MGAM: variants seen among roughly 807,000 people sequenced by gnomAD.
MGAM encodes alpha-1,4-glucosidase.
A neutral mutation model predicts 358.8 loss-of-function variants in MGAM; 253 were observed. The observed-to-expected ratio is 0.71, with a 90% CI of 0.64 to 0.78. The LOEUF (loss-of-function observed/expected upper bound fraction) is 0.78, where lower values mean the gene tolerates loss of function less well. Ranked by LOEUF, MGAM falls within the 30% of genes least tolerant of loss-of-function variation. The probability of loss-of-function intolerance (pLI) is 0.00; values close to 1 mark genes in which losing one functional copy is unlikely to be tolerated. For missense variants in MGAM, 3,080 were observed against 3,432.6 expected (o/e 0.90, Z 2.57); for synonymous variants, 1,105 against 1,227.1 (o/e 0.90, Z 2.08).
At chr7:142,033,284 G>T (rs1807679912) in intron 14 of MGAM, among the ~76,000 whole-genome samples, 1 of 152,270 alleles carries the variant, frequency 6.6e-6, no homozygotes, top group East Asian at 1.9e-4. Flanking sequence ...TCAGGTAAGG[G>T]TTATGTCTGA....
intron 44 of MGAM, among the ~76,000 whole-genome samples, chr7:142,071,390 G>C (rs1485363136): frequency 1.4e-5 from 2 of 146,534 alleles, no homozygotes; most frequent in Non-Finnish European, 3.1e-5. Context: ...GTCAAAATAA[G>C]AGCAACCACA....
In MGAM at chr7:142,078,495, T is replaced by G. The variant is rs1813940906; in HGVS notation, c.5646+25T>G. The G allele has an allele frequency of 5.3e-6, 8 of 1,521,632 alleles. 1 individual carries two copies. In the East Asian group the frequency reaches 1.6e-4, roughly 31 times the overall value. 94.3% of individuals were successfully genotyped at this position (1,521,632 alleles called of 1,614,324 possible). On this transcript the variant is annotated intron_variant, in intron 48 of 70. Transcript: ENST00000475668. ...GGTAACCATGCTGATGGGGTTCATG[T>G]GCATGAAAATCTCCACACCTAATCT...
rs1563123779 is a variant in MGAM, at chr7:142,025,046, G to A, written c.883-4G>A. ...AATTTTGGTTTTTAATTCTCTTTCT[G>A]CAGAACGGAACTAATTTGTATGGTG... On this transcript the variant is annotated splice_region_variant and splice_polypyrimidine_tract_variant and intron_variant, in intron 7 of 70. Transcript: ENST00000475668. The A allele has an allele frequency of 1.2e-6, 2 of 1,611,368 alleles. No homozygotes were observed. Among genetic ancestry groups the A allele is most frequent in the East Asian group, 2.2e-5 (1 of 44,814 alleles).
intron 6 of MGAM, 83 bp from the exon 7 acceptor site, chr7:142,022,185 G>T (rs907706297): frequency 4.6e-6 from 6 of 1,302,548 alleles, no homozygotes; most frequent in Non-Finnish European, 6.3e-6. Flanking sequence ...GAGTCACTGA[G>T]ATATAAAGGA....
In MGAM at chr7:142,047,881, C is replaced by CT; in HGVS notation, c.2587+10dup. 1 of 1,585,764 alleles carries CT rather than the reference C, an allele frequency of 6.3e-7. No homozygotes were observed. The highest frequency in any genetic ancestry group is 8.7e-7 in the Non-Finnish European group (1 of 1,155,508). On this transcript the variant is annotated intron_variant, in intron 22 of 70. Coordinates refer to ENST00000475668, the MANE Select transcript of MGAM (RefSeq NM_001365693.1). ...ATAATGGGGAAACGAAGGGTGAGCA[C>CT]TTATACGATAATGTTGCTGTTTCCC... is the stretch of plus-strand genomic sequence containing the variant.
chr7:142,048,409 A>G (rs1204104580), intron 22 of MGAM, among the ~76,000 whole-genome samples: 1 of 151,516 alleles, frequency 6.6e-6, no homozygotes, highest in East Asian at 1.9e-4. Context: ...CGGCCCCCCA[A>G]AGTGCTGGGA....
At chr7:141,989,085 A>AGT (rs141747720) in intron 2 of MGAM, among the ~76,000 whole-genome samples, 2,087 of 141,294 alleles carry the variant, frequency 0.015, 24 homozygotes, top group African/African-American at 0.032. Context: ...TGTGCTTGTG[A>AGT]GTGTGTGTGT....
At chr7:141,993,655 T>C (rs558059145), upstream of MGAM, among the ~76,000 whole-genome samples, 7 of 152,310 alleles carry the variant, frequency 4.6e-5, no homozygotes, top group Admixed American at 3.3e-4. Context: ...GGGGAAAATA[T>C]TTACATATCT....
At chr7:142,066,024 C>T (rs1180732102) in intron 40 of MGAM, among the ~76,000 whole-genome samples, 193 bp downstream of exon 40, 1 of 138,030 alleles carries the variant, frequency 7.2e-6, no homozygotes, top group Non-Finnish European at 1.6e-5. Context: ...CGTGCAGTGT[C>T]CCAATCATGG....
Position 142,052,826 on chromosome 7 carries a change from G to T in MGAM, c.3001G>T (p.Asp1001Tyr). The change falls in exon 26 of 71, where the codon GAC (aspartate) becomes TAC (tyrosine). Residue 1001 changes from aspartate to tyrosine, a missense_variant. This residue lies in a region of MGAM where 1,816 missense variants were observed against 1,840.5 expected (regional missense o/e 0.99). Coordinates refer to ENST00000475668, the MANE Select transcript of MGAM (RefSeq NM_001365693.1). Reference sequence around the variant, plus strand: ...AGTCCCTTTTTGCTATTTTGTCAACGACCTATACTCTGTCAGTGATGTTCA... The same window carrying T: ...AGTCCCTTTTTGCTATTTTGTCAACTACCTATACTCTGTCAGTGATGTTCA... ...SGVPFCYFVN[D>Y]LYSVSDVQYN... is the part of the protein sequence containing the mutation. 6.2e-7 allele frequency: 1 copy of T among 1,613,764 alleles called. No homozygotes were observed. The highest frequency in any genetic ancestry group is 8.5e-7 in the Non-Finnish European group (1 of 1,179,816).
At chr7:142,006,177 T>C (rs1162559525) in intron 2 of MGAM, among the ~76,000 whole-genome samples, 1 of 152,110 alleles carries the variant, frequency 6.6e-6, no homozygotes, top group Non-Finnish European at 1.5e-5. Flanking sequence ...TAATGCAGTC[T>C]TTTTTACATT....
In MGAM at chr7:142,059,844, C is replaced by T; in HGVS notation, c.3949-12C>T. On this transcript the variant is annotated splice_polypyrimidine_tract_variant and intron_variant, in intron 32 of 70. Transcript: ENST00000475668. ...CTTTGGTTTTCCCAACTGACTTATGCTTTGATTTCAGGATCCAGCCATTTC... is the reference window on the plus strand; with the variant it reads ...CTTTGGTTTTCCCAACTGACTTATGTTTTGATTTCAGGATCCAGCCATTTC... The T allele has an allele frequency of 1.2e-6, 2 of 1,602,968 alleles. No individual in the cohort carries two copies. The highest frequency in any genetic ancestry group is 1.7e-6 in the Non-Finnish European group (2 of 1,174,294).
intron 2 of MGAM, among the ~76,000 whole-genome samples, chr7:141,989,085 A>AGTGT (rs141747720): frequency 5.8e-4 from 82 of 141,364 alleles, no homozygotes; most frequent in East Asian, 3.1e-3. Context: ...TGTGCTTGTG[A>AGTGT]GTGTGTGTGT....
chr7:142,104,521 T>G (rs1468338264), intron 70 of MGAM, among the ~76,000 whole-genome samples: 2 of 152,190 alleles, frequency 1.3e-5, no homozygotes, highest in African/African-American at 4.8e-5. Context: ...CTTCCACTAG[T>G]GTCTATGAAG....
chr7:142,015,485 A>C (rs1278231253), intron 3 of MGAM, among the ~76,000 whole-genome samples: 2 of 152,116 alleles, frequency 1.3e-5, no homozygotes, highest in African/African-American at 4.8e-5. Flanking sequence ...AAGGCAAAAA[A>C]CAAAAAGTTA....
chr7:142,020,796 G>A (rs1230095826), intron 4 of MGAM, among the ~76,000 whole-genome samples, 178 bp from the exon 5 acceptor site: 1 of 151,908 alleles, frequency 6.6e-6, no homozygotes, highest in African/African-American at 2.4e-5. Context: ...GTTTCACCAC[G>A]TTGGTCAGGC....
chr7:142,040,740 A>T lies in MGAM; in HGVS notation c.2392A>T (p.Arg798Trp), dbSNP rs1168847021. 1 of 1,613,206 alleles carries T rather than the reference A, an allele frequency of 6.2e-7. No homozygotes were observed. Among genetic ancestry groups the T allele is most frequent in the South Asian group, 1.1e-5 (1 of 90,992 alleles). Reference sequence around the variant, plus strand: ...GCATCAGGGGAGCCAAGTGAGATGGAGGAAGCAAAAAGTCGAGATGGAACT... The same window carrying T: ...GCATCAGGGGAGCCAAGTGAGATGGTGGAAGCAAAAAGTCGAGATGGAACT... ...DYETGSQVRW[R>W]KQKVEMELPG... The change falls in exon 21 of 71, where the codon AGG becomes TGG. Residue 798 changes from arginine to tryptophan, a missense_variant. Transcript: ENST00000475668.
chr7:142,017,625 A>G (rs1471756455), intron 3 of MGAM, among the ~76,000 whole-genome samples: 4 of 151,840 alleles, frequency 2.6e-5, no homozygotes, highest in Non-Finnish European at 4.4e-5. Flanking sequence ...TTTTCTTTTT[A>G]TGCTGAGGTT....
intron 70 of MGAM, among the ~76,000 whole-genome samples, chr7:142,104,109 C>T (rs1234478777): frequency 6.6e-6 from 1 of 152,202 alleles, no homozygotes; most frequent in Non-Finnish European, 1.5e-5. Context: ...GCCTTGGCCT[C>T]CCAAAGTGCT....
Sources: gnomAD v4.1 joint callset for allele counts (sites outside exome capture counted in the v4.1 genomes callset) on GRCh38, gnomAD v4.1.1 for gene constraint, gnomAD v4.1.1 regional missense constraint, MANE v1.5 for transcripts, NCBI Gene and HGNC (gene_info 2026-07-23, HGNC 2026-07-21) for gene names.